The following PIWIL4 variants were observed in gnomAD, a reference collection of about 807,000 sequenced individuals.
PIWIL4 encodes the protein piwi like RNA-mediated gene silencing 4.
Under a neutral mutation model 100.9 loss-of-function variants are expected in PIWIL4, and 50 were observed. That is an observed-to-expected ratio of 0.50 (90% CI 0.39 to 0.63). The LOEUF (loss-of-function observed/expected upper bound fraction) is 0.63. Ranked by LOEUF, PIWIL4 falls within the 20% of genes least tolerant of loss-of-function variation. The pLI is 0.00. For missense variants in PIWIL4, 887 were observed against 1,043.3 expected (o/e 0.85, Z 2.06); for synonymous variants, 342 against 367.5 (o/e 0.93, Z 0.79).
chr11:94,617,373 T>C (rs1948858789), intron 16 of PIWIL4, among the ~76,000 whole-genome samples: 1 of 152,014 alleles, frequency 6.6e-6, no homozygotes, highest in Non-Finnish European at 1.5e-5. Flanking sequence ...TAGCAGTTAT[T>C]AAAGGTTTTC....
chr11:94,616,161 T>C (rs1451174149), intron 15 of PIWIL4, among the ~76,000 whole-genome samples: 2 of 152,210 alleles, frequency 1.3e-5, no homozygotes, highest in Non-Finnish European at 2.9e-5. Flanking sequence ...CCCTATGAGG[T>C]AGTAACTAAT....
At chr11:94,586,742 G>C in intron 6 of PIWIL4, among the ~76,000 whole-genome samples, 1 of 152,142 alleles carries the variant, frequency 6.6e-6, no homozygotes, top group Non-Finnish European at 1.5e-5. Flanking sequence ...TAGAGGCCAG[G>C]GAAATGCTGC....
intron 10 of PIWIL4, among the ~76,000 whole-genome samples, chr11:94,597,545 T>G (rs1041511348): frequency 6.6e-6 from 1 of 152,244 alleles, no homozygotes; most frequent in African/African-American, 2.4e-5. Context: ...TATTAAATGT[T>G]AGAGCTAGGA....
intron 9 of PIWIL4, among the ~76,000 whole-genome samples, chr11:94,594,433 T>C (rs1330334950): frequency 1.4e-5 from 2 of 146,350 alleles, no homozygotes; most frequent in Non-Finnish European, 3.0e-5. Flanking sequence ...GCCAGTGCAC[T>C]CCAGCCTGAG....
At chr11:94,607,410 C>T (rs763221498) in intron 13 of PIWIL4, 29 bp from the exon 14 acceptor site, 2 of 1,586,688 alleles carry the variant, frequency 1.3e-6, no homozygotes, top group South Asian at 2.2e-5. Context: ...AAATTAACTT[C>T]CAAAATCTTT....
intron 10 of PIWIL4, among the ~76,000 whole-genome samples, chr11:94,596,154 G>C (rs941633879): frequency 4.6e-5 from 7 of 151,540 alleles, no homozygotes; most frequent in Non-Finnish European, 8.8e-5. Flanking sequence ...ACTTTCTTAA[G>C]GTGGAAGTAA....
In PIWIL4 at chr11:94,617,933, TACTG is replaced by T. The variant is rs1391937301; in HGVS notation, c.2015-18_2015-15del. The T allele has an allele frequency of 3.7e-6, 6 of 1,611,826 alleles. No individual in the cohort carries two copies. The highest frequency in any genetic ancestry group is 2.2e-5 in the East Asian group (1 of 44,882). On this transcript the variant is annotated splice_polypyrimidine_tract_variant and intron_variant, in intron 16 of 19. Coordinates refer to ENST00000299001, the MANE Select transcript of PIWIL4 (RefSeq NM_152431.3). Reference sequence around the variant, plus strand: ...GGCATTAGAAAAGTAATTCTTTTCTTACTGACACCAAATTCTGCAGGAGCACTCA... The same window carrying T: ...GGCATTAGAAAAGTAATTCTTTTCTTACACCAAATTCTGCAGGAGCACTCA...
At chr11:94,598,381 A>G (rs959907885) in intron 11 of PIWIL4, among the ~76,000 whole-genome samples, 6 of 152,222 alleles carry the variant, frequency 3.9e-5, no homozygotes, top group Middle Eastern at 3.2e-3. Flanking sequence ...ACACTGCTCA[A>G]TGGACATTAA....
At chr11:94,594,987 A>G (rs1948538000) in intron 9 of PIWIL4, among the ~76,000 whole-genome samples, 1 of 152,206 alleles carries the variant, frequency 6.6e-6, no homozygotes, top group South Asian at 2.1e-4. Flanking sequence ...CACAGCCCAG[A>G]TTTGAAAGGC....
At chr11:94,606,221 T>C (rs1433300950) in intron 13 of PIWIL4, among the ~76,000 whole-genome samples, 2 of 152,184 alleles carry the variant, frequency 1.3e-5, no homozygotes, top group South Asian at 2.1e-4. Flanking sequence ...TCTCAGCCCA[T>C]TGGGCCACTG....
rs1466275364 is a variant in PIWIL4 at position 94,608,569 on chromosome 11, A to G, written c.1840-14A>G. On this transcript the variant is annotated splice_polypyrimidine_tract_variant and intron_variant, in intron 14 of 19. Transcript: ENST00000299001. ...ACCTCATCCCATTAAATCATGACAA[A>G]TTTAATTTTATAGTTAAAGTCCCTG... The G allele has an allele frequency of 1.9e-6, 3 of 1,608,586 alleles. No individual in the cohort carries two copies. The South Asian group carries it at 3.3e-5, about 18-fold the overall frequency.
At chr11:94,606,909 C>CT (rs200616046) in intron 13 of PIWIL4, among the ~76,000 whole-genome samples, 14 of 151,036 alleles carry the variant, frequency 9.3e-5, no homozygotes, top group Admixed American at 6.6e-4. Flanking sequence ...TCAACTTCAG[C>CT]TTTTTTTTAA....
chr11:94,585,399 G>A, intron 5 of PIWIL4, 46 bp from the exon 6 acceptor site: 4 of 1,356,786 alleles, frequency 2.9e-6, no homozygotes, highest in Middle Eastern at 1.8e-4. Context: ...GAATTACACT[G>A]TTACTGACTG....
At chr11:94,587,807 C>T (rs1040541346) in intron 7 of PIWIL4, among the ~76,000 whole-genome samples, 1 of 152,178 alleles carries the variant, frequency 6.6e-6, no homozygotes, top group African/African-American at 2.4e-5. Context: ...GTTGAGACCA[C>T]ATTTTACTTC....
Position 94,595,409 on chromosome 11 carries a change from T to C in PIWIL4, c.1251T>C (p.Leu417=). The part of the protein sequence containing the change: ...PSGRQQRLAR[L]VDNIQRNTNA... ...GCCGGCAGCAGCGCCTGGCCAGGCTTGTGGACAACATCCAGAGGTACTGGA... is the reference window on the plus strand; with the variant it reads ...GCCGGCAGCAGCGCCTGGCCAGGCTCGTGGACAACATCCAGAGGTACTGGA... Residue 417 remains leucine, a synonymous_variant, in exon 10 of 20, where the codon CTT becomes CTC. Coordinates refer to ENST00000299001, the MANE Select transcript of PIWIL4 (RefSeq NM_152431.3). 2 of 1,613,402 alleles carry C rather than the reference T, an allele frequency of 1.2e-6. No homozygotes were observed. The highest frequency in any genetic ancestry group is 8.5e-7 in the Non-Finnish European group (1 of 1,179,554).
At chr11:94,583,679 C>G in intron 5 of PIWIL4, 110 bp downstream of exon 5, 1 of 1,437,398 alleles carries the variant, frequency 7.0e-7, no homozygotes, top group Non-Finnish European at 9.6e-7. Context: ...GCAGTGATGC[C>G]ACCGTTAGGG....
intron 12 of PIWIL4, among the ~76,000 whole-genome samples, chr11:94,602,818 C>T (rs1038232287): frequency 6.6e-6 from 1 of 152,176 alleles, no homozygotes; most frequent in African/African-American, 2.4e-5. Flanking sequence ...TTAGAACTCT[C>T]CTCTTATCAA....
intron 5 of PIWIL4, among the ~76,000 whole-genome samples, chr11:94,583,807 G>A (rs1373423930): frequency 1.3e-5 from 2 of 152,114 alleles, no homozygotes; most frequent in African/African-American, 4.8e-5. Context: ...CAAATAATAC[G>A]GGGATTATTG....
chr11:94,587,552 G>A (rs1041017723), intron 7 of PIWIL4, among the ~76,000 whole-genome samples: 2 of 152,166 alleles, frequency 1.3e-5, no homozygotes, highest in Non-Finnish European at 2.9e-5. Flanking sequence ...CACTTCAGTT[G>A]CCTGGATTCC....
Sources: gnomAD v4.1 joint callset for allele counts (sites outside exome capture counted in the v4.1 genomes callset) on GRCh38, gnomAD v4.1.1 for gene constraint, MANE v1.5 for transcripts, NCBI Gene and HGNC (gene_info 2026-07-23, HGNC 2026-07-21) for gene names.